TEK: variants seen among roughly 807,000 people sequenced by gnomAD.
TEK encodes the protein angiopoietin-1 receptor.
In TEK, 43 loss-of-function variants were observed where a neutral mutation model predicts 131.8. The ratio of observed to expected loss-of-function variants is 0.33; its 90% CI spans 0.26 to 0.42. The LOEUF (loss-of-function observed/expected upper bound fraction) is 0.42, where lower values mean the gene tolerates loss of function less well. Ranked by LOEUF, TEK falls within the 10% of genes least tolerant of loss-of-function variation. TEK has a pLI of 1.00. For synonymous variants in TEK, 580 were observed against 491.6 expected (o/e 1.18, Z -2.38); for missense variants, 1,162 against 1,384.4 (o/e 0.84, Z 2.55).
At chr9:27,132,098 T>C (rs937551239) in intron 1 of TEK, among the ~76,000 whole-genome samples, 1 of 150,522 alleles carries the variant, frequency 6.6e-6, no homozygotes, top group African/African-American at 2.4e-5. Context: ...TTTTTTTTTT[T>C]TTTTCTTGAG....
intron 2 of TEK, among the ~76,000 whole-genome samples, chr9:27,164,361 T>C (rs1197357623): frequency 7.4e-5 from 11 of 149,090 alleles, no homozygotes; most frequent in African/African-American, 2.2e-4. Context: ...ACTCTGTCAC[T>C]GAGGCTGGAG....
At chr9:27,111,583 G>A (rs1210771909) in intron 1 of TEK, among the ~76,000 whole-genome samples, 1 of 150,476 alleles carries the variant, frequency 6.6e-6, no homozygotes, top group Non-Finnish European at 1.5e-5. Context: ...CTGGATGACA[G>A]AGTTGTTTAC....
At chr9:27,132,261 T>C (rs766770340) in intron 1 of TEK, among the ~76,000 whole-genome samples, 31 of 152,148 alleles carry the variant, frequency 2.0e-4, no homozygotes, top group Admixed American at 1.8e-3. Flanking sequence ...CTAATGTTTG[T>C]ATTTTTAGTA....
chr9:27,229,482 A>C lies in TEK; in HGVS notation c.*250A>C, dbSNP rs1163751305. ...GCCTGTTTGTGGTTTCATATGCAAT[A>C]ATATATTTTTTTAAAAATGTGGACT... On this transcript the variant is annotated 3_prime_UTR_variant, in exon 23 of 23. Transcript: ENST00000380036. 3 of 522,168 alleles carry C rather than the reference A, an allele frequency of 5.7e-6. No individual in the cohort carries two copies. The highest frequency in any genetic ancestry group is 1.0e-5 in the Non-Finnish European group (3 of 290,832). The allele number at this position is 522,168 out of a possible 1,614,324, so 32.3% of individuals were successfully genotyped here.
chr9:27,156,144 C>T (rs1249948679), intron 1 of TEK, among the ~76,000 whole-genome samples: 4 of 151,992 alleles, frequency 2.6e-5, no homozygotes, highest in Non-Finnish European at 4.4e-5. Context: ...AATTGGAAGC[C>T]GAGCAAATGG....
rs773775167 is a variant in TEK at position 27,109,547 on chromosome 9, C to G, written c.-44C>G. 6.8e-6 allele frequency: 11 copies of G among 1,607,510 alleles called. No individual in the cohort carries two copies. In the African/African-American group the frequency reaches 1.3e-4, roughly 20 times the overall value. ...GGGTTTTTGAAAGGATCCTTGGGAC[C>G]TCATGCACATTTGTGGAAACTGGAT... is the stretch of plus-strand genomic sequence containing the variant. On this transcript the variant is annotated 5_prime_UTR_variant, in exon 1 of 23. Coordinates refer to ENST00000380036, the MANE Select transcript of TEK (RefSeq NM_000459.5).
intron 1 of TEK, among the ~76,000 whole-genome samples, chr9:27,139,464 A>C (rs1212633418): frequency 6.7e-6 from 1 of 149,700 alleles, no homozygotes; most frequent in African/African-American, 2.5e-5. Context: ...AGCTGGGATT[A>C]CAGGTGTGCA....
At chr9:27,173,766 C>G (rs573327700) in intron 6 of TEK, among the ~76,000 whole-genome samples, 1 of 98,200 alleles carries the variant, frequency 1.0e-5, no homozygotes, top group South Asian at 3.5e-4. Context: ...TTCAGTGAAT[C>G]ATAAAATCAC....
At chr9:27,135,613 A>C (rs917399753) in intron 1 of TEK, among the ~76,000 whole-genome samples, 5 of 152,190 alleles carry the variant, frequency 3.3e-5, no homozygotes, top group Non-Finnish European at 5.9e-5. Flanking sequence ...CCTCAGGGAA[A>C]TGCTTAGAAA....
intron 1 of TEK, among the ~76,000 whole-genome samples, chr9:27,124,982 C>T (rs1449775664): frequency 6.6e-6 from 1 of 152,128 alleles, no homozygotes; most frequent in Non-Finnish European, 1.5e-5. Flanking sequence ...GGAACAGTCC[C>T]CAGTCGCTCA....
Position 27,109,581 on chromosome 9 carries a change from T to A in TEK, c.-10T>A. 1.9e-6 allele frequency: 3 copies of A among 1,614,108 alleles called. No homozygotes were observed. The highest frequency in any genetic ancestry group is 2.5e-6 in the Non-Finnish European group (3 of 1,179,990). ...ATTTGTGGAAACTGGATGGAGAGAT[T>A]TGGGGAAGCATGGACTCTTTAGCCA... On this transcript the variant is annotated 5_prime_UTR_variant, in exon 1 of 23. In the 5' UTR this introduces an upstream ATG that the reference lacks. Transcript: ENST00000380036.
At chr9:27,137,400 T>A (rs886386206) in intron 1 of TEK, among the ~76,000 whole-genome samples, 1 of 152,324 alleles carries the variant, frequency 6.6e-6, no homozygotes, top group East Asian at 1.9e-4. Flanking sequence ...TTTTCACATG[T>A]AAGGAGTAGT....
chr9:27,206,571 T>C lies in TEK; in HGVS notation c.2365-11T>C. On this transcript the variant is annotated splice_polypyrimidine_tract_variant and intron_variant, in intron 14 of 22. Transcript: ENST00000380036. ...TCCTGACACAAAATGATGAAATAAT[T>C]ATTTTTCCAGAGGGAAGAACCAGCT... The C allele has an allele frequency of 6.2e-7, 1 of 1,611,448 alleles. No individual in the cohort carries two copies. The highest frequency in any genetic ancestry group is 8.5e-7 in the Non-Finnish European group (1 of 1,178,724).
At chr9:27,185,063 T>A (rs1424620007) in intron 8 of TEK, among the ~76,000 whole-genome samples, 2 of 149,196 alleles carry the variant, frequency 1.3e-5, no homozygotes, top group Non-Finnish European at 3.0e-5. Context: ...ATGGCAGAGG[T>A]CCATCTCTCT....
intron 1 of TEK, among the ~76,000 whole-genome samples, chr9:27,124,044 C>T (rs770854913): frequency 2.0e-5 from 3 of 152,298 alleles, no homozygotes; most frequent in Middle Eastern, 3.4e-3. Flanking sequence ...CCCAAAGTGC[C>T]GGGTGGGTGG....
At chr9:27,190,738 G>C in intron 10 of TEK, 48 bp downstream of exon 10, 1 of 1,609,920 alleles carries the variant, frequency 6.2e-7, no homozygotes, top group Non-Finnish European at 8.5e-7. Flanking sequence ...GGCACCAGGA[G>C]AATTATTTTT....
Position 27,212,905 on chromosome 9 carries a change from C to A in TEK, c.2877+8C>A. On this transcript the variant is annotated splice_region_variant and intron_variant, in intron 17 of 22. Coordinates refer to ENST00000380036, the MANE Select transcript of TEK (RefSeq NM_000459.5). ...TACTTGAGCCAAAAACAGGTTTGTC[C>A]GGAGGACTTCGCTTTGGATATCTTT... 1 of 1,613,046 alleles carries A rather than the reference C, an allele frequency of 6.2e-7. No homozygotes were observed. The highest frequency in any genetic ancestry group is 1.1e-5 in the South Asian group (1 of 90,950).
intron 12 of TEK, chr9:27,198,455 G>C (rs545079135): frequency 6.6e-6 from 1 of 152,212 alleles, no homozygotes; most frequent in Admixed American, 6.5e-5. Context: ...AGCTGGCTCA[G>C]TGTTTCTTTG....
At chr9:27,140,426 C>A (rs568052137) in intron 1 of TEK, among the ~76,000 whole-genome samples, 4 of 149,442 alleles carry the variant, frequency 2.7e-5, no homozygotes, top group African/African-American at 4.9e-5. Context: ...AAACATTAAT[C>A]TCTTCCAATG....
Sources: gnomAD v4.1 joint callset for allele counts (sites outside exome capture counted in the v4.1 genomes callset) on GRCh38, gnomAD v4.1.1 for gene constraint, MANE v1.5 for transcripts, NCBI Gene and HGNC (gene_info 2026-07-23, HGNC 2026-07-21) for gene names.